DUSP22: variants seen among roughly 807,000 people sequenced by gnomAD.
DUSP22 encodes the protein dual specificity phosphatase 22, also known as dual specificity protein phosphatase 22.
In DUSP22, 24 loss-of-function variants were observed where a neutral mutation model predicts 24.5. The observed-to-expected ratio is 0.98, with a 90% CI of 0.71 to 1.38. The LOEUF (loss-of-function observed/expected upper bound fraction) is 1.38. Ranked by LOEUF, DUSP22 falls within the 40% of genes most tolerant of loss-of-function variation. DUSP22 has a pLI of 0.00. For synonymous variants in DUSP22, 160 were observed against 106.4 expected (o/e 1.50, Z -3.10); for missense variants, 330 against 269.2 (o/e 1.23, Z -1.58).
At chr6:300,029 A>G (rs565242205) in intron 1 of DUSP22, among the ~76,000 whole-genome samples, 1 of 152,424 alleles carries the variant, frequency 6.6e-6, no homozygotes, top group South Asian at 2.1e-4. Flanking sequence ...TATATTTACA[A>G]AGAAGATACA....
rs1760184723 is a variant in DUSP22, at chr6:350,994, A to G, written c.*2043A>G. The G allele has an allele frequency of 7.6e-7, 1 of 1,313,222 alleles. No individual in the cohort carries two copies. Among genetic ancestry groups the G allele is most frequent in the South Asian group, 1.2e-5 (1 of 80,614 alleles). 81.3% of individuals were successfully genotyped at this position (1,313,222 alleles called of 1,614,324 possible). ...AAACTTGTTTTTCATTTGAAGCTGA[A>G]TATATACGTAGTCATGTTTATGTTG... On this transcript the variant is annotated 3_prime_UTR_variant, in exon 7 of 7. Coordinates refer to ENST00000419235, the MANE Select transcript of DUSP22 (RefSeq NM_001286555.3).
intron 1 of DUSP22, among the ~76,000 whole-genome samples, chr6:300,191 T>A (rs1490182230): frequency 6.6e-6 from 1 of 152,300 alleles, no homozygotes; most frequent in East Asian, 1.9e-4. Flanking sequence ...AGCCTGGAAT[T>A]TGGGGGCCCT....
rs773099083 is a variant in DUSP22 at position 304,629 on chromosome 6, T to C, written c.23T>C (p.Ile8Thr). The change falls in exon 2 of 7, where the codon ATC becomes ACC. Residue 8 changes from isoleucine (I) to threonine (T), a missense_variant and splice_region_variant. Physicochemically the swap from Ile to Thr is moderately conservative, Grantham distance 89. Transcript: ENST00000419235. ...TGTCTGTGTCTGTCTCTCTCCTAGA[T>C]CCTGCCCGGCCTGTACATCGGCAAC... MGNGMNK[I>T]LPGLYIGNFK... 1.2e-6 allele frequency: 2 copies of C among 1,614,264 alleles called. No individual in the cohort carries two copies. The highest frequency in any genetic ancestry group is 2.2e-5 in the East Asian group (1 of 44,890).
intron 3 of DUSP22, among the ~76,000 whole-genome samples, chr6:333,249 C>T (rs1383681699): frequency 6.6e-6 from 1 of 152,304 alleles, no homozygotes; most frequent in Non-Finnish European, 1.5e-5. Context: ...GCTGCTGCCT[C>T]ACTTTCCTCT....
At chr6:296,956 G>A (rs888121802) in intron 1 of DUSP22, among the ~76,000 whole-genome samples, 3 of 152,300 alleles carry the variant, frequency 2.0e-5, no homozygotes, top group African/African-American at 7.2e-5. Context: ...CCTGCCTGGT[G>A]GGAATGGCTG....
intron 3 of DUSP22, among the ~76,000 whole-genome samples, chr6:320,986 C>T (rs1343323868): frequency 6.6e-6 from 1 of 152,300 alleles, no homozygotes; most frequent in East Asian, 1.9e-4. Context: ...GCGTGTAAAT[C>T]CTTAAAAATG....
intron 4 of DUSP22, among the ~76,000 whole-genome samples, chr6:336,337 A>C (rs1581183314): frequency 6.6e-6 from 1 of 152,422 alleles, no homozygotes; most frequent in Non-Finnish European, 1.5e-5. Context: ...GGGAGTCCTC[A>C]GGCTCGTCTG....
At chr6:294,607 C>T (rs941791065) in intron 1 of DUSP22, among the ~76,000 whole-genome samples, 3 of 152,256 alleles carry the variant, frequency 2.0e-5, no homozygotes, top group Admixed American at 2.0e-4. Context: ...ATGTTTTTTA[C>T]TATGTCTTTG....
chr6:347,783 T>C (rs1759951997), intron 5 of DUSP22, among the ~76,000 whole-genome samples: 1 of 152,422 alleles, frequency 6.6e-6, no homozygotes, highest in East Asian at 1.9e-4. Context: ...ACCTCAGTTA[T>C]GTCGTTTGTC....
At chr6:295,988 C>G (rs1183142007) in intron 1 of DUSP22, among the ~76,000 whole-genome samples, 1 of 151,800 alleles carries the variant, frequency 6.6e-6, no homozygotes, top group Admixed American at 6.6e-5. Flanking sequence ...CCAGTCTCCA[C>G]TGATTTTGAA....
chr6:321,041 C>T (rs1758565564), intron 3 of DUSP22, among the ~76,000 whole-genome samples: 1 of 152,304 alleles, frequency 6.6e-6, no homozygotes. Context: ...AGGCGGCTAA[C>T]ACTGCAGGGC....
intron 5 of DUSP22, among the ~76,000 whole-genome samples, chr6:347,562 G>C (rs1158838927): frequency 6.6e-6 from 1 of 152,304 alleles, no homozygotes; most frequent in Admixed American, 6.5e-5. Flanking sequence ...GACACAGTGT[G>C]CCTGCTCTGT....
In DUSP22 at chr6:345,869, A is replaced by T; in HGVS notation, c.204A>T (p.Lys68Asn). Residue 68 changes from lysine (K) to asparagine (N), a missense_variant, in exon 5 of 7, where the codon AAA becomes AAT. Coordinates refer to ENST00000419235, the MANE Select transcript of DUSP22 (RefSeq NM_001286555.3). ...CTTTTCCCAGGACAAGACATTTCAA[A>T]GAAAGTATTAAATTCATTCACGAGT... ...SPSQNLTRHF[K>N]ESIKFIHECR... is the part of the protein sequence containing the mutation. 6.2e-7 allele frequency: 1 copy of T among 1,614,262 alleles called. No homozygotes were observed. Among genetic ancestry groups the T allele is most frequent in the East Asian group, 2.2e-5 (1 of 44,896 alleles).
intron 1 of DUSP22, among the ~76,000 whole-genome samples, chr6:300,313 G>A (rs1757520878): frequency 6.6e-6 from 1 of 152,308 alleles, no homozygotes; most frequent in South Asian, 2.1e-4. Flanking sequence ...AGACATTTGA[G>A]GGTCCACTCC....
chr6:304,207 G>A (rs1757711816), intron 1 of DUSP22, among the ~76,000 whole-genome samples: 1 of 152,306 alleles, frequency 6.6e-6, no homozygotes, highest in Non-Finnish European at 1.5e-5. Context: ...CCCTGGACTT[G>A]GGGCTCAGGA....
At chr6:344,122 G>C (rs982119595) in intron 4 of DUSP22, among the ~76,000 whole-genome samples, 3 of 152,310 alleles carry the variant, frequency 2.0e-5, no homozygotes, top group Admixed American at 6.5e-5. Flanking sequence ...CTCGAGTCCT[G>C]CCTGGCTTTG....
At chr6:324,933 G>A (rs1356601418) in intron 3 of DUSP22, among the ~76,000 whole-genome samples, 5 of 152,300 alleles carry the variant, frequency 3.3e-5, no homozygotes, top group African/African-American at 4.8e-5. Flanking sequence ...GCAGCGCTTC[G>A]TGCCTCCCTA....
intron 3 of DUSP22, among the ~76,000 whole-genome samples, chr6:316,118 CTG>C: frequency 6.6e-6 from 1 of 152,302 alleles, no homozygotes. Context: ...TCTGAGAACT[CTG>C]AGTCCAGCAA....
intron 4 of DUSP22, among the ~76,000 whole-genome samples, chr6:342,648 G>A (rs1759663876): frequency 6.6e-6 from 1 of 152,298 alleles, no homozygotes; most frequent in African/African-American, 2.4e-5. Flanking sequence ...GTGTTTGACT[G>A]ACACATGGCA....
Sources: allele counts gnomAD v4.1 joint callset (sites outside exome capture counted in the v4.1 genomes callset), GRCh38; gene constraint gnomAD v4.1.1; transcripts MANE v1.5; gene names NCBI Gene and HGNC (gene_info 2026-07-23, HGNC 2026-07-21).